The following DGUOK variants were observed in gnomAD, a reference collection of about 807,000 sequenced individuals.
DGUOK encodes the protein deoxyguanosine kinase, mitochondrial.
DGUOK carries 30 observed loss-of-function variants against 36.6 expected under a neutral mutation model. The ratio of observed to expected loss-of-function variants is 0.82; its 90% CI spans 0.61 to 1.11. The LOEUF is 1.11. Ranked by LOEUF, DGUOK falls within the 50% of genes most tolerant of loss-of-function variation. The pLI is 0.00. For missense variants in DGUOK, 361 were observed against 336.4 expected (o/e 1.07, Z -0.57); for synonymous variants, 145 against 126.3 (o/e 1.15, Z -0.99).
chr2:73,943,572 C>T (rs553720871), intron 2 of DGUOK, among the ~76,000 whole-genome samples: 42 of 151,786 alleles, frequency 2.8e-4, no homozygotes, highest in Non-Finnish European at 4.9e-4. Flanking sequence ...TGATAGAAAT[C>T]ATCTTTAAGA....
At chr2:73,951,760 G>A (rs1283116528) in intron 4 of DGUOK, among the ~76,000 whole-genome samples, 1 of 152,204 alleles carries the variant, frequency 6.6e-6, no homozygotes, top group South Asian at 2.1e-4. Context: ...CCTTGAATGT[G>A]ACTGGGGCCA....
intron 4 of DGUOK, among the ~76,000 whole-genome samples, chr2:73,953,984 C>G (rs1238256459): frequency 6.6e-6 from 1 of 152,058 alleles, no homozygotes; most frequent in Non-Finnish European, 1.5e-5. Context: ...TCCCAAAGTG[C>G]TGGGATTACA....
intron 3 of DGUOK, among the ~76,000 whole-genome samples, chr2:73,949,731 C>G (rs1682577467): frequency 1.3e-5 from 2 of 152,230 alleles, no homozygotes; most frequent in Admixed American, 6.5e-5. Context: ...GCCTTGGAAA[C>G]TGGAGTCCCT....
chr2:73,942,856 G>A (rs1027286439), intron 2 of DGUOK, among the ~76,000 whole-genome samples: 2 of 152,130 alleles, frequency 1.3e-5, no homozygotes, highest in East Asian at 1.9e-4. Flanking sequence ...TGTGGTACAC[G>A]TACCCTTTTG....
intron 2 of DGUOK, 102 bp downstream of exon 2, chr2:73,939,124 T>C: frequency 1.3e-6 from 1 of 785,290 alleles, no homozygotes; most frequent in Admixed American, 2.0e-5. Flanking sequence ...AGTTTGAGTA[T>C]CCTTTTTAAA....
At chr2:73,952,794 A>C (rs2104973837) in intron 4 of DGUOK, among the ~76,000 whole-genome samples, 1 of 152,282 alleles carries the variant, frequency 6.6e-6, no homozygotes, top group East Asian at 1.9e-4. Flanking sequence ...GGGGAGTGGA[A>C]GTTGGACCCA....
chr2:73,947,374 G>T (rs2248050), intron 3 of DGUOK, among the ~76,000 whole-genome samples: 1 of 151,568 alleles, frequency 6.6e-6, no homozygotes, highest in Admixed American at 6.6e-5. Context: ...TTTTTTTATT[G>T]TTCAAGAAAG....
intron 2 of DGUOK, among the ~76,000 whole-genome samples, chr2:73,944,377 A>G (rs1213997883): frequency 1.3e-5 from 2 of 152,208 alleles, no homozygotes; most frequent in Non-Finnish European, 1.5e-5. Flanking sequence ...ACTGCATTAT[A>G]CAGTCTGCTA....
At chr2:73,941,650 T>C (rs1010158114) in intron 2 of DGUOK, among the ~76,000 whole-genome samples, 3 of 152,284 alleles carry the variant, frequency 2.0e-5, no homozygotes, top group East Asian at 1.9e-4. Context: ...AGTTATCCAG[T>C]CCTCTATTTT....
chr2:73,936,013 C>T (rs1039359577), intron 1 of DGUOK, among the ~76,000 whole-genome samples: 9 of 152,162 alleles, frequency 5.9e-5, no homozygotes, highest in Non-Finnish European at 1.3e-4. Flanking sequence ...TTGTTTTTAA[C>T]TTTTAAAAAA....
intron 3 of DGUOK, chr2:73,947,254 T>TA (rs1682403249): frequency 3.3e-6 from 1 of 302,634 alleles, no homozygotes; most frequent in Admixed American, 4.5e-5. Flanking sequence ...TAGCAGTGTA[T>TA]ATTCTAAGAA....
intron 1 of DGUOK, among the ~76,000 whole-genome samples, chr2:73,929,690 T>C (rs1243323817): frequency 1.3e-5 from 2 of 152,096 alleles, no homozygotes; most frequent in African/African-American, 4.8e-5. Context: ...GTGAAGAAGG[T>C]ATTCAGTGGG....
chr2:73,957,987 T>G, intron 5 of DGUOK, 159 bp from the exon 6 acceptor site: 2 of 609,702 alleles, frequency 3.3e-6, no homozygotes, highest in Non-Finnish European at 6.0e-6. Flanking sequence ...CGGCCAACTT[T>G]ATTGAATTTG....
chr2:73,954,007 C>T (rs1368055274), intron 4 of DGUOK, among the ~76,000 whole-genome samples: 6 of 152,024 alleles, frequency 3.9e-5, no homozygotes, highest in Admixed American at 6.6e-5. Flanking sequence ...CATGAGCCAC[C>T]GCGTCTGGCC....
rs886056322 is a variant in DGUOK at position 73,957,246 on chromosome 2, T to TG, written c.707+10dup. On this transcript the variant is annotated splice_region_variant and intron_variant, in intron 5 of 6. Transcript: ENST00000264093. The stretch of plus-strand genomic sequence containing the variant: ...CTTATTCACAAGACAACGAAGTAAG[T>TG]GGGGAGAAAAGAATGTATCAGAGAC... The TG allele has an allele frequency of 1.9e-6, 3 of 1,610,472 alleles. No homozygotes were observed. Among genetic ancestry groups the TG allele is most frequent in the Non-Finnish European group, 8.5e-7 (1 of 1,177,102 alleles).
intron 1 of DGUOK, among the ~76,000 whole-genome samples, chr2:73,936,732 A>G (rs576945642): frequency 1.3e-5 from 2 of 152,278 alleles, no homozygotes; most frequent in Admixed American, 1.3e-4. Context: ...TTAGTAATAT[A>G]TTGTGTATTT....
chr2:73,941,765 A>G (rs1681918722), intron 2 of DGUOK, among the ~76,000 whole-genome samples: 1 of 151,926 alleles, frequency 6.6e-6, no homozygotes, highest in Non-Finnish European at 1.5e-5. Flanking sequence ...TGTTTTGTGT[A>G]TCTTTTTGTT....
intron 2 of DGUOK, among the ~76,000 whole-genome samples, chr2:73,939,249 T>C (rs1681719820): frequency 6.6e-6 from 1 of 152,242 alleles, no homozygotes; most frequent in South Asian, 2.1e-4. Flanking sequence ...CTGCCTCTGT[T>C]GTTTGTGGTT....
rs2105002037 is a variant in DGUOK at position 73,957,251 on chromosome 2, A to G, written c.707+11A>G. On this transcript the variant is annotated intron_variant, in intron 5 of 6. Transcript: ENST00000264093. ...TCACAAGACAACGAAGTAAGTGGGG[A>G]GAAAAGAATGTATCAGAGACAGAGA... 1.2e-6 allele frequency: 2 copies of G among 1,606,790 alleles called. No homozygotes were observed. Among genetic ancestry groups the G allele is most frequent in the East Asian group, 2.2e-5 (1 of 44,826 alleles).
Sources: allele counts gnomAD v4.1 joint callset (sites outside exome capture counted in the v4.1 genomes callset), GRCh38; gene constraint gnomAD v4.1.1; transcripts MANE v1.5; gene names NCBI Gene and HGNC (gene_info 2026-07-23, HGNC 2026-07-21).